Variants in RNF214 observed in about 807,000 individuals in gnomAD.
RNF214 encodes the protein ring finger protein 214.
RNF214 carries 25 observed loss-of-function variants against 75.9 expected under a neutral mutation model. The ratio of observed to expected loss-of-function variants is 0.33; its 90% confidence interval spans 0.24 to 0.46. The LOEUF (loss-of-function observed/expected upper bound fraction) is 0.46, where lower values mean the gene tolerates loss of function less well. Among genes scored for constraint, RNF214 ranks in the 20% least tolerant of loss-of-function variants. The pLI is 1.00. For missense variants in RNF214, 725 were observed against 857.5 expected (o/e 0.85, Z 1.93); for synonymous variants, 314 against 308.8 (o/e 1.02, Z -0.18).
intron 6 of RNF214, among the ~76,000 whole-genome samples, chr11:117,252,278 T>C (rs534353350): frequency 1.3e-5 from 2 of 152,358 alleles, no homozygotes; most frequent in Admixed American, 1.3e-4. Context: ...AGCATAATTA[T>C]GGCTGAAACT....
At position 117,268,673 on chromosome 11, in the gene RNF214, AC is replaced by A. The variant is rs1290195971; in HGVS notation, c.960-11234del. Among the ~76,000 whole-genome samples, 7 of 152,124 alleles carry A rather than the reference AC, an allele frequency of 4.6e-5. No homozygotes were observed. In the East Asian group the frequency reaches 1.4e-3, roughly 29 times the overall value. ...CAAAATTGTTTTGAATATTCTAGAG[AC>A]TTTTTATTTTCATATACATTTTGAA... On this transcript the variant is annotated intron_variant, in intron 6 of 14. Coordinates refer to ENST00000300650, the MANE Select transcript of RNF214 (RefSeq NM_207343.4).
intron 6 of RNF214, among the ~76,000 whole-genome samples, chr11:117,272,625 TA>T (rs368410159): frequency 6.6e-6 from 1 of 151,290 alleles, no homozygotes; most frequent in Non-Finnish European, 1.5e-5. Context: ...TTTTTTTTTT[TA>T]AAAAGAAAGA....
At chr11:117,274,675 C>CT (rs397937528) in intron 6 of RNF214, among the ~76,000 whole-genome samples, 91,314 of 128,728 alleles carry the variant, frequency 0.71, 32,718 homozygotes, top group East Asian at 0.91. Flanking sequence ...AGCCATGGCT[C>CT]TTTTTTTTTT....
chr11:117,234,704 C>T (rs565797935), intron 2 of RNF214, among the ~76,000 whole-genome samples: 71 of 152,298 alleles, frequency 4.7e-4, no homozygotes, highest in Admixed American at 1.9e-3. Context: ...AATGTTATAT[C>T]AGTATGTGTA....
intron 5 of RNF214, 53 bp from the exon 6 acceptor site, chr11:117,246,756 A>G: frequency 6.9e-7 from 1 of 1,456,460 alleles, no homozygotes; most frequent in Non-Finnish European, 9.1e-7. Flanking sequence ...CATCAAAAGA[A>G]CTAACTTATT....
In RNF214 at chr11:117,282,065, C is replaced by G; in HGVS notation, c.1507C>G (p.Leu503Val). The change falls in exon 11 of 15, where the codon CTT becomes GTT. Residue 503 changes from leucine (L) to valine (V), a missense_variant. Leu to Val is a conservative substitution (Grantham distance 32, BLOSUM62 1). Around this residue, in one of 2 missense-constraint regions of RNF214, gnomAD observed 363 missense variants for 513.0 expected, o/e 0.71. Transcript: ENST00000300650. ...LSQPSQPSSP[L>V]PGSHGRNSPG... ...CCAGCCCAGCCAGCCTTCCTCACCC[C>G]TTCCTGGCTCCCATGGCAGAAATAG... 8.7e-6 allele frequency: 14 copies of G among 1,614,124 alleles called. No individual in the cohort carries two copies. The highest frequency in any genetic ancestry group is 1.2e-5 in the Non-Finnish European group (14 of 1,180,022).
intron 4 of RNF214, among the ~76,000 whole-genome samples, chr11:117,241,318 A>T (rs757212382): frequency 2.0e-5 from 3 of 152,134 alleles, no homozygotes; most frequent in Non-Finnish European, 2.9e-5. Context: ...ACAGTGGCTC[A>T]TGCTTGTAAT....
At chr11:117,282,671 G>C in intron 12 of RNF214, 75 bp from the exon 13 acceptor site, 1 of 1,551,480 alleles carries the variant, frequency 6.4e-7, no homozygotes, top group Non-Finnish European at 8.9e-7. Flanking sequence ...CCTGGACTGG[G>C]AAATAAGTGA....
chr11:117,274,311 G>A (rs943575800), intron 6 of RNF214, among the ~76,000 whole-genome samples: 1 of 151,882 alleles, frequency 6.6e-6, no homozygotes, highest in Non-Finnish European at 1.5e-5. Flanking sequence ...ACTAGATGAA[G>A]GGGAGAGAGG....
intron 6 of RNF214, among the ~76,000 whole-genome samples, chr11:117,263,276 G>GA (rs34638904): frequency 8.0e-5 from 12 of 149,578 alleles, no homozygotes; most frequent in African/African-American, 1.5e-4. Flanking sequence ...ATTAACAGGA[G>GA]AAAAAAAAAC....
At chr11:117,280,121 T>G (rs770446825) in intron 7 of RNF214, 50 bp from the exon 8 acceptor site, 1 of 1,526,688 alleles carries the variant, frequency 6.6e-7, no homozygotes, top group South Asian at 1.1e-5. Context: ...TAGAGGTACC[T>G]TTGTGTATGT....
intron 2 of RNF214, among the ~76,000 whole-genome samples, chr11:117,235,063 A>C (rs2032863485): frequency 6.6e-6 from 1 of 152,276 alleles, no homozygotes; most frequent in Non-Finnish European, 1.5e-5. Flanking sequence ...TACAACAACT[A>C]ATACAATGTA....
At chr11:117,233,642 G>C (rs2032805714) in intron 1 of RNF214, among the ~76,000 whole-genome samples, 1 of 152,152 alleles carries the variant, frequency 6.6e-6, no homozygotes, top group East Asian at 1.9e-4. Flanking sequence ...TTTCACGCTA[G>C]AGAACCCAGG....
chr11:117,285,344 A>T lies in RNF214; in HGVS notation c.*193A>T, dbSNP rs1282804451. 2 of 461,954 alleles carry T rather than the reference A, an allele frequency of 4.3e-6. No homozygotes were observed. The highest frequency in any genetic ancestry group is 7.7e-6 in the Non-Finnish European group (2 of 260,114). The allele number at this position is 461,954 out of a possible 1,614,324, so 28.6% of individuals were successfully genotyped here. On this transcript the variant is annotated 3_prime_UTR_variant, in exon 15 of 15. Coordinates refer to ENST00000300650, the MANE Select transcript of RNF214 (RefSeq NM_207343.4). ...GAAACTATGTATATTATGCAGAAAC[A>T]GTCTGTTCCCCCTCATCTTGCAATT... is the stretch of plus-strand genomic sequence containing the variant.
chr11:117,254,139 C>CT (rs1241386450), intron 6 of RNF214, among the ~76,000 whole-genome samples: 1 of 152,072 alleles, frequency 6.6e-6, no homozygotes. Flanking sequence ...GTCCCAACTA[C>CT]TTGGGAGGCT....
chr11:117,260,873 C>T (rs900960604), intron 6 of RNF214, among the ~76,000 whole-genome samples: 54 of 148,740 alleles, frequency 3.6e-4, no homozygotes, highest in Admixed American at 1.8e-3. Context: ...AAGCTGGTCT[C>T]GAACTCCCGA....
At chr11:117,253,794 A>G (rs1021678928) in intron 6 of RNF214, among the ~76,000 whole-genome samples, 5 of 152,200 alleles carry the variant, frequency 3.3e-5, no homozygotes, top group African/African-American at 9.7e-5. Flanking sequence ...ATTGATTTAT[A>G]TTTTCATGGA....
intron 6 of RNF214, among the ~76,000 whole-genome samples, chr11:117,269,562 C>T (rs1161887506): frequency 6.6e-6 from 1 of 152,070 alleles, no homozygotes; most frequent in African/African-American, 2.4e-5. Context: ...GGGATTTTGC[C>T]ATGTTGCCCG....
At chr11:117,266,025 G>A (rs1397422773) in intron 6 of RNF214, among the ~76,000 whole-genome samples, 1 of 152,186 alleles carries the variant, frequency 6.6e-6, no homozygotes, top group Non-Finnish European at 1.5e-5. Flanking sequence ...TCATCCATGA[G>A]GTGGTAGATA....
Sources: allele counts gnomAD v4.1 joint callset (sites outside exome capture counted in the v4.1 genomes callset), GRCh38; gene constraint gnomAD v4.1.1; regional missense constraint gnomAD v4.1.1; transcripts MANE v1.5; gene names NCBI Gene and HGNC (gene_info 2026-07-23, HGNC 2026-07-21).